Variants in TRAPPC9 observed in about 807,000 individuals in gnomAD.
TRAPPC9 encodes IKK2 binding protein.
Under a neutral mutation model 124.0 loss-of-function variants are expected in TRAPPC9, and 83 were observed. The ratio of observed to expected loss-of-function variants is 0.67; its 90% confidence interval spans 0.56 to 0.80. The LOEUF (loss-of-function observed/expected upper bound fraction) is 0.80, where lower values mean the gene tolerates loss of function less well. Ranked by LOEUF, TRAPPC9 falls within the 30% of genes least tolerant of loss-of-function variation. TRAPPC9 has a pLI of 0.00. For missense variants in TRAPPC9, 1,302 were observed against 1,508.3 expected, an observed-to-expected ratio of 0.86 and a Z score of 2.27; for synonymous variants, 638 against 617.5, an observed-to-expected ratio of 1.03 and a Z score of -0.49.
intron 18 of TRAPPC9, among the ~76,000 whole-genome samples, chr8:140,014,997 G>C (rs1161808175): frequency 6.6e-6 from 1 of 152,230 alleles, no homozygotes; most frequent in Non-Finnish European, 1.5e-5. Context: ...ATCAGTATCA[G>C]TGAGAGGAGC....
At chr8:140,201,486 C>T (rs1455665324) in intron 17 of TRAPPC9, among the ~76,000 whole-genome samples, 1 of 152,170 alleles carries the variant, frequency 6.6e-6, no homozygotes, top group Non-Finnish European at 1.5e-5. Context: ...TGATATTTGA[C>T]AAATTTTATT....
Position 140,450,647 on chromosome 8 carries a change from C to CA in TRAPPC9, c.584+142dup, listed in dbSNP as rs554960808. On this transcript the variant is annotated intron_variant, in intron 2 of 22. Coordinates refer to ENST00000438773, the MANE Select transcript of TRAPPC9 (RefSeq NM_001160372.4). Reference sequence around the variant, plus strand: ...TTTGGTTGGTTTTTTTAGCAGCACTCAAACAGATTCTGACAGAAAGTCATT... The same window carrying CA: ...TTTGGTTGGTTTTTTTAGCAGCACTCAAAACAGATTCTGACAGAAAGTCATT... The CA allele has an allele frequency of 6.3e-4, 475 of 749,182 alleles. 1 individual carries two copies. The East Asian group carries it at 0.01, about 16-fold the overall frequency. The allele number at this position is 749,182 out of a possible 1,614,324, so 46.4% of individuals were successfully genotyped here.
chr8:140,349,188 G>T (rs1446081230), intron 9 of TRAPPC9, among the ~76,000 whole-genome samples: 2 of 137,502 alleles, frequency 1.5e-5, no homozygotes, highest in East Asian at 4.4e-4. Context: ...ACACACCAGG[G>T]GGCCGAAGGA....
chr8:140,238,823 G>A (rs62527483), intron 16 of TRAPPC9, among the ~76,000 whole-genome samples: 3,782 of 152,304 alleles, frequency 0.025, 65 homozygotes, highest in African/African-American at 0.047. Flanking sequence ...CTGGGGCCAC[G>A]GGGAAAACAG....
At chr8:139,818,202 G>A (rs898373703) in intron 21 of TRAPPC9, among the ~76,000 whole-genome samples, 2 of 152,158 alleles carry the variant, frequency 1.3e-5, no homozygotes, top group African/African-American at 4.8e-5. Flanking sequence ...CTGTCTCTAG[G>A]TGCTGGGCCC....
intron 19 of TRAPPC9, among the ~76,000 whole-genome samples, chr8:139,973,775 G>A (rs555719951): frequency 1.3e-5 from 2 of 152,238 alleles, no homozygotes; most frequent in African/African-American, 4.8e-5. Flanking sequence ...GGCTGGGGGA[G>A]GAGGCCGAGG....
intron 17 of TRAPPC9, among the ~76,000 whole-genome samples, chr8:140,077,876 C>T (rs1278600215): frequency 1.3e-5 from 2 of 152,100 alleles, no homozygotes; most frequent in African/African-American, 4.8e-5. Flanking sequence ...GAAAAGGCTG[C>T]GTGGCCCCAG....
Position 139,967,886 on chromosome 8 carries a change from C to A in TRAPPC9, c.2810+20840G>T, listed in dbSNP as rs189670938. On this transcript the variant is annotated intron_variant, in intron 19 of 22. Transcript: ENST00000438773. Reference sequence around the variant, plus strand: ...GGGCGCGGTGGCTCACACCTATAATCCCAGCACTTTGGGAGGCCGAGGCGG... The same window carrying A: ...GGGCGCGGTGGCTCACACCTATAATACCAGCACTTTGGGAGGCCGAGGCGG... 2.4e-3 allele frequency among the ~76,000 whole-genome samples: 368 copies of A among 152,278 alleles called. 2 individuals are homozygous for A. The highest frequency in any genetic ancestry group is 8.3e-3 in the African/African-American group (344 of 41,566).
chr8:140,441,931 G>A (rs2071032713), intron 2 of TRAPPC9, among the ~76,000 whole-genome samples: 1 of 152,148 alleles, frequency 6.6e-6, no homozygotes. Context: ...CTACTCAGGA[G>A]GCAGAGGCAG....
chr8:140,407,550 T>G (rs2069537727), intron 5 of TRAPPC9, among the ~76,000 whole-genome samples: 1 of 152,122 alleles, frequency 6.6e-6, no homozygotes, highest in Admixed American at 6.5e-5. Context: ...AAGTGCTCCC[T>G]CCACCTTTTA....
At chr8:140,322,398 G>C (rs1215628916) in intron 9 of TRAPPC9, among the ~76,000 whole-genome samples, 2 of 152,180 alleles carry the variant, frequency 1.3e-5, no homozygotes, top group African/African-American at 4.8e-5. Context: ...AGCCTTTTGA[G>C]GAGGGTAAAT....
chr8:139,939,995 T>C (rs1262630972), intron 19 of TRAPPC9, among the ~76,000 whole-genome samples: 1 of 152,222 alleles, frequency 6.6e-6, no homozygotes, highest in Non-Finnish European at 1.5e-5. Context: ...AATTCCTATA[T>C]TTTTACAATG....
chr8:140,333,475 C>T (rs1366171487), intron 9 of TRAPPC9, among the ~76,000 whole-genome samples: 1 of 152,184 alleles, frequency 6.6e-6, no homozygotes, highest in African/African-American at 2.4e-5. Context: ...TCGTTGCAAC[C>T]TCCGCCTCCC....
chr8:139,876,018 G>A (rs951133096), intron 21 of TRAPPC9, among the ~76,000 whole-genome samples: 10 of 152,214 alleles, frequency 6.6e-5, no homozygotes, highest in African/African-American at 2.2e-4. Context: ...AGTGGGAGCC[G>A]GCTTTCTCAC....
At chr8:140,221,194 T>C (rs1434479611) in intron 17 of TRAPPC9, among the ~76,000 whole-genome samples, 1 of 151,884 alleles carries the variant, frequency 6.6e-6, no homozygotes, top group Admixed American at 6.6e-5. Context: ...CAGGAGAGAG[T>C]CTGCTTTAAT....
chr8:140,278,724 C>T (rs1010098062), intron 14 of TRAPPC9, among the ~76,000 whole-genome samples: 8 of 152,208 alleles, frequency 5.3e-5, no homozygotes, highest in Non-Finnish European at 1.2e-4. Flanking sequence ...CTGCCCTCAT[C>T]ACTGTCAGTG....
chr8:139,883,723 G>C (rs1170157240), intron 21 of TRAPPC9, among the ~76,000 whole-genome samples: 1 of 152,238 alleles, frequency 6.6e-6, no homozygotes, highest in Non-Finnish European at 1.5e-5. Flanking sequence ...AAATTGCCCA[G>C]GCTTCTTCCA....
intron 1 of TRAPPC9, among the ~76,000 whole-genome samples, chr8:140,452,494 T>C (rs1426559646): frequency 6.6e-6 from 1 of 151,766 alleles, no homozygotes; most frequent in Non-Finnish European, 1.5e-5. Flanking sequence ...TTGAGGAGGT[T>C]GCGAATGTAA....
At chr8:140,095,690 C>A in intron 17 of TRAPPC9, 1 of 152,308 alleles carries the variant, frequency 6.6e-6, no homozygotes, top group East Asian at 1.9e-4. Flanking sequence ...GTGCTAGACA[C>A]CTGAAATGAG....
Sources: gnomAD v4.1 joint callset for allele counts (sites outside exome capture counted in the v4.1 genomes callset) on GRCh38, gnomAD v4.1.1 for gene constraint, MANE v1.5 for transcripts, NCBI Gene and HGNC (gene_info 2026-07-23, HGNC 2026-07-21) for gene names.